Variants in PPARD observed in about 807,000 individuals in gnomAD.
The protein encoded by PPARD is peroxisome proliferator activated receptor delta, also known as peroxisome proliferator-activated receptor delta.
In PPARD, 6 loss-of-function variants were observed where a neutral mutation model predicts 39.5. That is an observed-to-expected ratio of 0.15 (90% CI 0.08 to 0.30). PPARD has a LOEUF of 0.30. PPARD is among the 10% of genes least tolerant of loss of function. The pLI, the probability that PPARD is intolerant of heterozygous loss-of-function variation, is 1.00. For missense variants in PPARD, 397 were observed against 596.8 expected, an observed-to-expected ratio of 0.67 and a Z score of 3.49; for synonymous variants, 210 against 231.3, an observed-to-expected ratio of 0.91 and a Z score of 0.83.
chr6:35,411,186 A>G lies in PPARD; in HGVS notation c.99A>G (p.Pro33=). The change falls in exon 3 of 8, where the codon CCA becomes CCG. Residue 33 remains proline, a synonymous_variant. Transcript: ENST00000360694. The part of the protein sequence containing the change: ...AEGAPELNGG[P]QHALPSSSYT... The stretch of plus-strand genomic sequence containing the variant: ...GAGCCCCAGAGCTCAATGGGGGACC[A>G]CAGCATGCACTTCCTTCCAGCAGCT... The G allele has an allele frequency of 6.4e-7, 1 of 1,560,398 alleles. No homozygotes were observed. Among genetic ancestry groups the G allele is most frequent in the South Asian group, 1.2e-5 (1 of 84,080 alleles).
Position 35,426,342 on chromosome 6 carries a change from C to T in PPARD, c.*263C>T, listed in dbSNP as rs1272924667. The T allele has an allele frequency of 1.9e-6, 1 of 540,416 alleles. No individual in the cohort carries two copies. Among genetic ancestry groups the T allele is most frequent in the Non-Finnish European group, 3.3e-6 (1 of 303,944 alleles). 33.5% of individuals were successfully genotyped at this position (540,416 alleles called of 1,614,324 possible). Reference sequence around the variant, plus strand: ...TCTAATTCCTGTTGCTCTGTTTCTTCCTTTCTGTAGGTTTCTCTCTTCCCT... The same window carrying T: ...TCTAATTCCTGTTGCTCTGTTTCTTTCTTTCTGTAGGTTTCTCTCTTCCCT... On this transcript the variant is annotated 3_prime_UTR_variant, in exon 8 of 8. Transcript: ENST00000360694.
chr6:35,383,229 T>C (rs1763249595), intron 2 of PPARD, among the ~76,000 whole-genome samples: 1 of 152,042 alleles, frequency 6.6e-6, no homozygotes, highest in Admixed American at 6.6e-5. Context: ...TCCCATTGAC[T>C]TGGGTGGGAA....
chr6:35,413,166 C>T lies in PPARD; in HGVS notation c.130+1949C>T, dbSNP rs902424708. ...CAGGGCTGTTTCCCAAATAGCATCA[C>T]TGTTCCCGTGCAGGCCAGGTGAGGT... On this transcript the variant is annotated intron_variant, in intron 3 of 7. Coordinates refer to ENST00000360694, the MANE Select transcript of PPARD (RefSeq NM_006238.5). Among the ~76,000 whole-genome samples, 20 of 152,352 alleles carry T rather than the reference C, an allele frequency of 1.3e-4. No homozygotes were observed. In the East Asian group the frequency reaches 1.5e-3, roughly 12 times the overall value.
chr6:35,374,985 C>G (rs1762724800), intron 2 of PPARD, among the ~76,000 whole-genome samples: 1 of 152,124 alleles, frequency 6.6e-6, no homozygotes, highest in African/African-American at 2.4e-5. Context: ...TCTGATGGCA[C>G]TAGTGCTGCC....
intron 3 of PPARD, among the ~76,000 whole-genome samples, chr6:35,415,892 C>T (rs1765727308): frequency 6.6e-6 from 1 of 151,700 alleles, no homozygotes; most frequent in South Asian, 2.1e-4. Context: ...GGCTGGAGAG[C>T]CGGGGAAGTT....
chr6:35,390,188 T>C (rs1763930881), intron 2 of PPARD, among the ~76,000 whole-genome samples: 1 of 152,208 alleles, frequency 6.6e-6, no homozygotes, highest in African/African-American at 2.4e-5. Flanking sequence ...CCATTACACC[T>C]ACTCCAGAAT....
intron 2 of PPARD, among the ~76,000 whole-genome samples, chr6:35,385,692 A>G (rs1458455849): frequency 6.6e-6 from 1 of 150,418 alleles, no homozygotes; most frequent in Non-Finnish European, 1.5e-5. Flanking sequence ...GCTGCCTGCC[A>G]GGGACTCCTG....
intron 3 of PPARD, among the ~76,000 whole-genome samples, chr6:35,414,845 A>G (rs961952526): frequency 6.6e-6 from 1 of 152,118 alleles, no homozygotes; most frequent in African/African-American, 2.4e-5. Flanking sequence ...CCTCCTCAGC[A>G]GTTCAGCACT....
At chr6:35,358,537 T>C (rs1761747910) in intron 2 of PPARD, among the ~76,000 whole-genome samples, 1 of 152,226 alleles carries the variant, frequency 6.6e-6, no homozygotes, top group Non-Finnish European at 1.5e-5. Context: ...CTGTTCTTAT[T>C]TTAAGGCGTC....
Position 35,411,128 on chromosome 6 carries a change from A to T in PPARD, c.41A>T (p.Glu14Val). The change falls in exon 3 of 8, where the codon GAG becomes GTG. Residue 14 changes from glutamate to valine, a missense_variant. Physicochemically the swap from Glu to Val is moderately radical, Grantham distance 121 (BLOSUM62 -2). Transcript: ENST00000360694. ...PQEEAPEVRE[E>V]EEKEEVAEAE... ...GAGGAAGCCCCTGAGGTCCGGGAAG[A>T]GGAGGAGAAAGAGGAAGTGGCAGAG... 6.3e-7 allele frequency: 1 copy of T among 1,587,450 alleles called. No individual in the cohort carries two copies. The highest frequency in any genetic ancestry group is 8.6e-7 in the Non-Finnish European group (1 of 1,165,880).
chr6:35,395,176 A>G (rs1764245220), intron 2 of PPARD, among the ~76,000 whole-genome samples: 1 of 152,204 alleles, frequency 6.6e-6, no homozygotes, highest in South Asian at 2.1e-4. Context: ...TGCTTGAGGA[A>G]AGCCCCTGAT....
chr6:35,378,607 T>C (rs959374281), intron 2 of PPARD, among the ~76,000 whole-genome samples: 21 of 152,146 alleles, frequency 1.4e-4, no homozygotes, highest in Non-Finnish European at 1.2e-4. Flanking sequence ...CTAATTATAA[T>C]CCTAGTGGGC....
chr6:35,403,339 A>C (rs1337497961), intron 2 of PPARD, among the ~76,000 whole-genome samples: 3 of 152,176 alleles, frequency 2.0e-5, no homozygotes, highest in Non-Finnish European at 1.5e-5. Flanking sequence ...GCAGCCTCTC[A>C]GGTTAGGTGG....
At chr6:35,362,284 G>A (rs1383485309) in intron 2 of PPARD, among the ~76,000 whole-genome samples, 2 of 152,148 alleles carry the variant, frequency 1.3e-5, no homozygotes, top group African/African-American at 4.8e-5. Context: ...ATTTGGCCTG[G>A]AGGGAGGCAC....
intron 2 of PPARD, among the ~76,000 whole-genome samples, chr6:35,373,074 T>C (rs939113977): frequency 1.3e-5 from 2 of 152,202 alleles, no homozygotes; most frequent in African/African-American, 4.8e-5. Flanking sequence ...ATGAATGCTG[T>C]GTCCTTACAT....
Position 35,385,916 on chromosome 6 carries a change from G to A in PPARD, c.-101-25071G>A, listed in dbSNP as rs77933008. 5.8e-3 allele frequency among the ~76,000 whole-genome samples: 888 copies of A among 152,200 alleles called. 9 individuals carry two copies. Among genetic ancestry groups the A allele is most frequent in the African/African-American group, 0.02 (848 of 41,520 alleles). The stretch of plus-strand genomic sequence containing the variant: ...AACAGAATGGGGTGGGGAGGGCGTT[G>A]GGGGTAGGAAAGGAGGATCATCATT... On this transcript the variant is annotated intron_variant, in intron 2 of 7. Transcript: ENST00000360694.
intron 2 of PPARD, among the ~76,000 whole-genome samples, chr6:35,384,124 C>T (rs1436538169): frequency 2.9e-4 from 39 of 134,136 alleles, no homozygotes; most frequent in African/African-American, 6.2e-4. Context: ...CCGCCCCGTC[C>T]GGGAGGTGAG....
chr6:35,355,368 A>G (rs1582283153), intron 2 of PPARD, among the ~76,000 whole-genome samples: 1 of 151,852 alleles, frequency 6.6e-6, no homozygotes, highest in African/African-American at 2.4e-5. Context: ...CCTGGGCAAC[A>G]TGGCGAAACC....
intron 2 of PPARD, among the ~76,000 whole-genome samples, chr6:35,351,776 G>A (rs1761266534): frequency 1.3e-5 from 2 of 151,534 alleles, no homozygotes; most frequent in South Asian, 4.2e-4. Context: ...CGACCAGGCT[G>A]GTCTTGAATT....
Sources: allele counts gnomAD v4.1 joint callset (sites outside exome capture counted in the v4.1 genomes callset), GRCh38; gene constraint gnomAD v4.1.1; transcripts MANE v1.5; gene names NCBI Gene and HGNC (gene_info 2026-07-23, HGNC 2026-07-21).